The following TRMT11 variants were observed in gnomAD, a reference collection of about 807,000 sequenced individuals.
The protein encoded by TRMT11 is tRNA (guanine(10)-N(2))-methyltransferase TRMT11.
TRMT11 carries 53 observed loss-of-function variants against 62.8 expected under a neutral mutation model. The ratio of observed to expected loss-of-function variants is 0.84; its 90% confidence interval spans 0.68 to 1.06. The LOEUF is 1.06. Ranked by LOEUF, TRMT11 falls within the 50% of genes least tolerant of loss-of-function variation. TRMT11 has a pLI of 0.00. For missense variants in TRMT11, 556 were observed against 553.4 expected, an observed-to-expected ratio of 1.00 and a Z score of -0.05; for synonymous variants, 188 against 190.3, an observed-to-expected ratio of 0.99 and a Z score of 0.10.
At position 126,182,212 on chromosome 6, in the gene TRMT11, A is replaced by T. The variant is rs539056055; in HGVS notation, n.143+4877A>T. On this transcript the variant is annotated intron_variant and non_coding_transcript_variant, in intron 1 of 3. Transcript: ENST00000444229. ...CTACAAAAAGGATGTAAAGAATATG[A>T]CTTTTCAGGGTTGAGGGAAAGATTT... is the stretch of plus-strand genomic sequence containing the variant. 9.6e-4 allele frequency among the ~76,000 whole-genome samples: 146 copies of T among 152,300 alleles called. 1 individual carries two copies. Among genetic ancestry groups the T allele is most frequent in the Non-Finnish European group, 1.6e-3 (109 of 68,020 alleles).
chr6:126,211,928 C>T, the TRMT11 span, among the ~76,000 whole-genome samples: 2 of 151,916 alleles, frequency 1.3e-5, no homozygotes, highest in African/African-American at 4.8e-5. Context: ...ACTCCTACCC[C>T]CTACCCTTCC....
the TRMT11 span, among the ~76,000 whole-genome samples, chr6:126,248,560 C>A: frequency 6.6e-6 from 1 of 152,018 alleles, no homozygotes; most frequent in South Asian, 2.1e-4. Flanking sequence ...TGAAATTCCA[C>A]CCCCGTTCTC....
chr6:126,145,308 C>G (rs893441779), intron 21 of TRMT11, among the ~76,000 whole-genome samples: 3 of 152,022 alleles, frequency 2.0e-5, no homozygotes, highest in Non-Finnish European at 4.4e-5. Flanking sequence ...ATCCCTCACT[C>G]CCTAGGACAG....
At chr6:126,223,731 C>T in the TRMT11 span, among the ~76,000 whole-genome samples, 16 of 152,152 alleles carry the variant, frequency 1.1e-4, no homozygotes, top group East Asian at 3.9e-4. Flanking sequence ...TAAATTTTTA[C>T]GGACAGTATC....
At chr6:126,008,786 G>T (rs529406904) in intron 8 of TRMT11, 31 of 510,314 alleles carry the variant, frequency 6.1e-5, no homozygotes, top group Non-Finnish European at 1.1e-4. Context: ...AGTTCTGGGG[G>T]AGTCAAAAGT....
intron 12 of TRMT11, among the ~76,000 whole-genome samples, chr6:126,030,123 T>C (rs1015377143): frequency 6.6e-6 from 1 of 152,222 alleles, no homozygotes; most frequent in African/African-American, 2.4e-5. Flanking sequence ...AGAATAATGC[T>C]AGAGGTTTCT....
chr6:126,153,466 C>G (rs922575471), intron 21 of TRMT11, among the ~76,000 whole-genome samples: 1 of 152,070 alleles, frequency 6.6e-6, no homozygotes, highest in Non-Finnish European at 1.5e-5. Flanking sequence ...AAAATAAAGC[C>G]AAGTTTCAAT....
intron 21 of TRMT11, among the ~76,000 whole-genome samples, chr6:126,160,487 A>T (rs1386033363): frequency 6.6e-6 from 1 of 152,102 alleles, no homozygotes; most frequent in African/African-American, 2.4e-5. Flanking sequence ...GAAGGCAGAG[A>T]TGATTCTGGA....
At chr6:126,111,556 G>A (rs73773364) in intron 17 of TRMT11, among the ~76,000 whole-genome samples, 2,645 of 152,192 alleles carry the variant, frequency 0.017, 56 homozygotes, top group African/African-American at 0.058. Flanking sequence ...CCTCTTATTT[G>A]TTTCCAACTA....
intron 16 of TRMT11, among the ~76,000 whole-genome samples, chr6:126,045,661 A>C (rs1198981997): frequency 6.6e-6 from 1 of 152,140 alleles, no homozygotes; most frequent in Non-Finnish European, 1.5e-5. Context: ...TTTGCCAGTT[A>C]GCTTCAAGTC....
chr6:126,167,750 C>T (rs776391114), intron 21 of TRMT11, among the ~76,000 whole-genome samples: 4 of 152,202 alleles, frequency 2.6e-5, no homozygotes, highest in Non-Finnish European at 4.4e-5. Flanking sequence ...GCAAGTGATA[C>T]AGCACATATG....
chr6:126,070,384 T>A (rs1776818371), intron 17 of TRMT11, among the ~76,000 whole-genome samples: 1 of 152,190 alleles, frequency 6.6e-6, no homozygotes, highest in African/African-American at 2.4e-5. Context: ...ATATACCTGG[T>A]ACTCTCACAC....
intron 21 of TRMT11, among the ~76,000 whole-genome samples, chr6:126,161,850 T>C (rs1224674608): frequency 6.6e-6 from 1 of 152,214 alleles, no homozygotes; most frequent in Non-Finnish European, 1.5e-5. Context: ...GATGAGCTTT[T>C]TTTTCATATG....
chr6:126,231,459 A>G, the TRMT11 span, among the ~76,000 whole-genome samples: 1 of 152,236 alleles, frequency 6.6e-6, no homozygotes, highest in Non-Finnish European at 1.5e-5. Flanking sequence ...TGTAGATACT[A>G]GTCTATACGT....
At chr6:126,143,614 G>A (rs1777943443) in intron 21 of TRMT11, among the ~76,000 whole-genome samples, 2 of 151,996 alleles carry the variant, frequency 1.3e-5, no homozygotes, top group South Asian at 2.1e-4. Context: ...TTACCAACAC[G>A]GAAGAAACAT....
intron 17 of TRMT11, among the ~76,000 whole-genome samples, chr6:126,063,293 A>G (rs1368714166): frequency 6.6e-6 from 1 of 152,232 alleles, no homozygotes; most frequent in Non-Finnish European, 1.5e-5. Context: ...TTGTGCATCA[A>G]TTAATATGAG....
intron 21 of TRMT11, among the ~76,000 whole-genome samples, chr6:126,167,059 G>T (rs898982886): frequency 6.6e-6 from 1 of 152,144 alleles, no homozygotes; most frequent in Non-Finnish European, 1.5e-5. Flanking sequence ...CTTCATTGGG[G>T]GTGGGATCCA....
At chr6:126,184,733 T>C (rs1261043275) in intron 1 of TRMT11, among the ~76,000 whole-genome samples, 2 of 152,182 alleles carry the variant, frequency 1.3e-5, no homozygotes, top group Admixed American at 6.5e-5. Context: ...GCCAGTGTTG[T>C]AGGAGGATTC....
downstream of TRMT11, chr6:126,202,346 T>C (rs1778741961): frequency 6.6e-6 from 1 of 152,228 alleles, no homozygotes; most frequent in South Asian, 2.1e-4. Context: ...CTTGTAAAGA[T>C]TATTAAGAAC....
Sources: gnomAD v4.1 joint callset for allele counts (sites outside exome capture counted in the v4.1 genomes callset) on GRCh38, gnomAD v4.1.1 for gene constraint, MANE v1.5 for transcripts, NCBI Gene and HGNC (gene_info 2026-07-23, HGNC 2026-07-21) for gene names.